MGAT4C: variants seen among roughly 807,000 people sequenced by gnomAD.
The protein encoded by MGAT4C is MGAT4 family member C.
A neutral mutation model predicts 40.1 loss-of-function variants in MGAT4C; 19 were observed. That is an observed-to-expected ratio of 0.47 (90% CI 0.33 to 0.70). The LOEUF is 0.70. Among genes scored for constraint, MGAT4C ranks in the 30% least tolerant of loss-of-function variants. The pLI, the probability that MGAT4C is intolerant of heterozygous loss-of-function variation, is 0.02. For synonymous variants in MGAT4C, 181 were observed against 187.1 expected (o/e 0.97, Z 0.27); for missense variants, 491 against 563.2 (o/e 0.87, Z 1.30).
intron 3 of MGAT4C, among the ~76,000 whole-genome samples, chr12:86,365,515 A>AT (rs1415444826): frequency 1.3e-5 from 2 of 152,302 alleles, no homozygotes; most frequent in Admixed American, 6.5e-5. Flanking sequence ...AAATCTTCAC[A>AT]TTTTATGTTC....
intron 4 of MGAT4C, among the ~76,000 whole-genome samples, chr12:86,305,455 A>AT (rs575601168): frequency 6.7e-6 from 1 of 150,056 alleles, no homozygotes; most frequent in African/African-American, 2.5e-5. Flanking sequence ...AAAAAAAAAA[A>AT]AAAGAAAGAA....
chr12:86,560,683 T>C (rs1270253364), intron 2 of MGAT4C, among the ~76,000 whole-genome samples: 2 of 152,096 alleles, frequency 1.3e-5, no homozygotes, highest in Non-Finnish European at 2.9e-5. Flanking sequence ...GCTAATATTA[T>C]ACTGAACTGG....
intron 2 of MGAT4C, among the ~76,000 whole-genome samples, chr12:86,558,478 T>C (rs1443842151): frequency 2.6e-5 from 4 of 151,920 alleles, no homozygotes; most frequent in Non-Finnish European, 5.9e-5. Flanking sequence ...AAGTCACATA[T>C]AACCAAGCAA....
chr12:86,169,723 C>T (rs1436901599), intron 1 of MGAT4C, among the ~76,000 whole-genome samples: 6 of 152,096 alleles, frequency 3.9e-5, no homozygotes, highest in African/African-American at 1.2e-4. Flanking sequence ...ATAAAATACA[C>T]ATCAATAATT....
chr12:86,459,679 C>T (rs1435616970), intron 2 of MGAT4C, among the ~76,000 whole-genome samples: 1 of 131,170 alleles, frequency 7.6e-6, no homozygotes, highest in Non-Finnish European at 1.6e-5. Flanking sequence ...CCCCCACTCA[C>T]CCACAGCTTT....
At chr12:86,125,844 C>T (rs542866765) in intron 1 of MGAT4C, among the ~76,000 whole-genome samples, 1 of 152,000 alleles carries the variant, frequency 6.6e-6, no homozygotes, top group African/African-American at 2.4e-5. Flanking sequence ...CAATGAGTGA[C>T]AGCTGCATAA....
chr12:86,753,167 C>T (rs1438633501), intron 1 of MGAT4C, among the ~76,000 whole-genome samples: 1 of 152,092 alleles, frequency 6.6e-6, no homozygotes, highest in African/African-American at 2.4e-5. Flanking sequence ...AAAATCTCTC[C>T]AGCAAGGTAA....
intron 4 of MGAT4C, among the ~76,000 whole-genome samples, chr12:86,302,469 C>T (rs1953838505): frequency 6.6e-6 from 1 of 150,484 alleles, no homozygotes; most frequent in Admixed American, 6.6e-5. Context: ...CATTCTGTTG[C>T]CCATGCTGGA....
chr12:86,428,104 T>C (rs111307162), intron 3 of MGAT4C, among the ~76,000 whole-genome samples: 58 of 152,232 alleles, frequency 3.8e-4, no homozygotes, highest in African/African-American at 1.4e-3. Flanking sequence ...TTGTCTCAAA[T>C]TAAAATATCA....
At chr12:86,506,837 T>A (rs1437432618) in intron 2 of MGAT4C, among the ~76,000 whole-genome samples, 1 of 152,138 alleles carries the variant, frequency 6.6e-6, no homozygotes, top group African/African-American at 2.4e-5. Context: ...GACATTTAAG[T>A]TAGATGAAGG....
At chr12:86,822,942 T>A (rs1952731741) in intron 1 of MGAT4C, among the ~76,000 whole-genome samples, 2 of 151,194 alleles carry the variant, frequency 1.3e-5, no homozygotes, top group Non-Finnish European at 3.0e-5. Flanking sequence ...TCATTAAGAC[T>A]GAAATTATAC....
At chr12:86,054,124 A>G (rs1893159040) in intron 1 of MGAT4C, among the ~76,000 whole-genome samples, 1 of 152,070 alleles carries the variant, frequency 6.6e-6, no homozygotes, top group Admixed American at 6.6e-5. Flanking sequence ...TCAGTATGTC[A>G]AAGAGATACC....
At chr12:86,494,575 G>A (rs1958203832) in intron 2 of MGAT4C, among the ~76,000 whole-genome samples, 1 of 151,162 alleles carries the variant, frequency 6.6e-6, no homozygotes. Context: ...ATGATAGAAA[G>A]CATTGTATAA....
At chr12:86,390,589 C>T (rs1308085323) in intron 3 of MGAT4C, among the ~76,000 whole-genome samples, 1 of 152,132 alleles carries the variant, frequency 6.6e-6, no homozygotes, top group Non-Finnish European at 1.5e-5. Context: ...TAAAATCATA[C>T]TATTCAGACA....
chr12:86,527,411 T>C (rs189727501), intron 2 of MGAT4C, among the ~76,000 whole-genome samples: 4 of 152,348 alleles, frequency 2.6e-5, no homozygotes, highest in Admixed American at 2.0e-4. Flanking sequence ...TGTCATATAT[T>C]TGAAGTCAGG....
intron 3 of MGAT4C, among the ~76,000 whole-genome samples, chr12:86,398,987 T>A (rs990692118): frequency 5.3e-5 from 8 of 152,174 alleles, no homozygotes; most frequent in Non-Finnish European, 8.8e-5. Context: ...TTATTTATTT[T>A]TTGAGACGGA....
intron 1 of MGAT4C, among the ~76,000 whole-genome samples, chr12:86,806,540 TG>T (rs1323730625): frequency 6.6e-6 from 1 of 151,942 alleles, no homozygotes; most frequent in Non-Finnish European, 1.5e-5. Context: ...CAAGATTTAC[TG>T]AACAGTTCCA....
At chr12:86,336,201 A>G (rs1344887558) in intron 3 of MGAT4C, among the ~76,000 whole-genome samples, 1 of 152,102 alleles carries the variant, frequency 6.6e-6, no homozygotes, top group Non-Finnish European at 1.5e-5. Flanking sequence ...TTTTATTCAC[A>G]GTTGGTTGAA....
At chr12:86,283,219 A>G (rs981415674) in intron 4 of MGAT4C, among the ~76,000 whole-genome samples, 8 of 152,178 alleles carry the variant, frequency 5.3e-5, no homozygotes, top group African/African-American at 1.9e-4. Flanking sequence ...TTCCAAATAG[A>G]AAAGTGATGT....
Sources: allele counts gnomAD v4.1 joint callset (sites outside exome capture counted in the v4.1 genomes callset), GRCh38; gene constraint gnomAD v4.1.1; transcripts MANE v1.5; gene names NCBI Gene and HGNC (gene_info 2026-07-23, HGNC 2026-07-21).